PTPN1: variants seen among roughly 807,000 people sequenced by gnomAD.
The protein encoded by PTPN1 is protein tyrosine phosphatase non-receptor type 1, also known as tyrosine-protein phosphatase non-receptor type 1.
In PTPN1, 12 loss-of-function variants were observed where a neutral mutation model predicts 59.9. The observed-to-expected ratio is 0.20, with a 90% CI of 0.13 to 0.32. The LOEUF (loss-of-function observed/expected upper bound fraction) is 0.32. PTPN1 is among the 10% of genes least tolerant of loss of function. PTPN1 has a pLI of 1.00. For synonymous variants in PTPN1, 178 were observed against 203.6 expected, an observed-to-expected ratio of 0.87 and a Z score of 1.07; for missense variants, 356 against 549.2, an observed-to-expected ratio of 0.65 and a Z score of 3.52.
chr20:50,568,601 T>C lies in PTPN1; in HGVS notation c.354+123T>C, dbSNP rs370066376. ...GTATTTCCTTTACGTAGTATTTTTA[T>C]TTAAAAAAATTAAAACAGCAGCATA... is the stretch of plus-strand genomic sequence containing the variant. On this transcript the variant is annotated intron_variant, in intron 4 of 9. Transcript: ENST00000371621. The surrounding 1 kb of genome is among the most constrained non-coding windows in gnomAD (Gnocchi z 5.6). 3 of 762,686 alleles carry C rather than the reference T, an allele frequency of 3.9e-6. No individual in the cohort carries two copies. The highest frequency in any genetic ancestry group is 1.8e-5 in the South Asian group (1 of 56,202). 47.2% of individuals were successfully genotyped at this position (762,686 alleles called of 1,614,324 possible).
intron 1 of PTPN1, among the ~76,000 whole-genome samples, chr20:50,535,003 C>G (rs1037410853): frequency 1.7e-5 from 2 of 116,124 alleles, no homozygotes; most frequent in Admixed American, 1.8e-4. Context: ...CTGCATTGGC[C>G]TCCCAAAGTG....
chr20:50,552,317 G>T (rs529103941), intron 1 of PTPN1, among the ~76,000 whole-genome samples: 141 of 152,276 alleles, frequency 9.3e-4, no homozygotes, highest in African/African-American at 3.3e-3. Context: ...CCATTCTAAA[G>T]TAGAGAAAGA....
At chr20:50,547,842 A>G (rs1354895744) in intron 1 of PTPN1, among the ~76,000 whole-genome samples, 1 of 152,216 alleles carries the variant, frequency 6.6e-6, no homozygotes, top group Non-Finnish European at 1.5e-5. Flanking sequence ...AGCCACACAC[A>G]TATAAAGTGG....
chr20:50,520,371 CA>C lies in PTPN1; in HGVS notation c.63+9797del, dbSNP rs11474492. Among the ~76,000 whole-genome samples the C allele has an allele frequency of 5.7e-3, 745 of 131,358 alleles. 1 individual carries two copies. Among genetic ancestry groups the C allele is most frequent in the Non-Finnish European group, 6.4e-3 (386 of 60,586 alleles). The allele number at this position is 131,358 out of a possible 152,430, so 86.2% of individuals were successfully genotyped here. A position where few individuals can be genotyped will look rare whatever the true frequency, so the allele number is the denominator to read the frequency against. On this transcript the variant is annotated intron_variant, in intron 1 of 9. Transcript: ENST00000371621. ...GGGGGACAAGAGTGAAACTCTGTCT[CA>C]AAAAAAAAAAAAAAATTAAGTGATT... is the stretch of plus-strand genomic sequence containing the variant.
intron 1 of PTPN1, among the ~76,000 whole-genome samples, chr20:50,533,770 A>G (rs2082611764): frequency 6.6e-6 from 1 of 151,982 alleles, no homozygotes; most frequent in South Asian, 2.1e-4. Context: ...AAGATAGGTC[A>G]GGTGAGGCTG....
rs993632799 is a variant in PTPN1 at position 50,580,028 on chromosome 20, G to T, written c.1088+102G>T. 8.4e-6 allele frequency: 9 copies of T among 1,075,742 alleles called. No homozygotes were observed. The African/African-American group carries it at 1.1e-4, about 13-fold the overall frequency. 66.6% of individuals were successfully genotyped at this position (1,075,742 alleles called of 1,614,324 possible). Reference sequence around the variant, plus strand: ...ACCCTGTGGATGCAGCCTCCTGTTGGCAAGCAGCGCTTCCGCATCCTTGGG... The same window carrying T: ...ACCCTGTGGATGCAGCCTCCTGTTGTCAAGCAGCGCTTCCGCATCCTTGGG... On this transcript the variant is annotated intron_variant, in intron 8 of 9. Coordinates refer to ENST00000371621, the MANE Select transcript of PTPN1 (RefSeq NM_002827.4).
chr20:50,535,106 C>T (rs562424938), intron 1 of PTPN1, among the ~76,000 whole-genome samples: 46 of 152,342 alleles, frequency 3.0e-4, no homozygotes, highest in African/African-American at 1.1e-3. Context: ...CCCTTCTCAT[C>T]TGTGGTCTTC....
chr20:50,559,654 TTTCTTGGG>T (rs1568789419), intron 1 of PTPN1, among the ~76,000 whole-genome samples: 2 of 152,168 alleles, frequency 1.3e-5, no homozygotes, highest in Non-Finnish European at 2.9e-5. Flanking sequence ...CTTGGTTTAC[TTTCTTGGG>T]CAGGGGGATT....
chr20:50,553,009 T>C (rs1303379160), intron 1 of PTPN1, among the ~76,000 whole-genome samples: 1 of 152,230 alleles, frequency 6.6e-6, no homozygotes, highest in Admixed American at 6.5e-5. Flanking sequence ...TACTTGATTT[T>C]TCAATTTAGT....
rs191444887 is a variant in PTPN1 at position 50,542,482 on chromosome 20, G to C, written c.64-18881G>C. ...CTGATTTTTGCAGGTCCTAGGGAAAGCTTTGTTTTCCTCTTAACCTAACTT... is the reference window on the plus strand; with the variant it reads ...CTGATTTTTGCAGGTCCTAGGGAAACCTTTGTTTTCCTCTTAACCTAACTT... On this transcript the variant is annotated intron_variant, in intron 1 of 9. Transcript: ENST00000371621. 2.0e-4 allele frequency among the ~76,000 whole-genome samples: 31 copies of C among 152,310 alleles called. No individual in the cohort carries two copies. The East Asian group carries it at 6.0e-3, about 29-fold the overall frequency.
At chr20:50,575,000 C>A (rs1454314620) in intron 5 of PTPN1, 1 of 241,556 alleles carries the variant, frequency 4.1e-6, no homozygotes, top group Middle Eastern at 1.3e-3. Context: ...CTTTGTGGTC[C>A]TCAGTCTTCG....
At position 50,510,390 on chromosome 20, in the gene PTPN1, A is replaced by G; in HGVS notation, c.-138A>G. The G allele has an allele frequency of 2.3e-6, 2 of 884,106 alleles. No individual in the cohort carries two copies. The highest frequency in any genetic ancestry group is 3.4e-6 in the Non-Finnish European group (2 of 582,404). 54.8% of individuals were successfully genotyped at this position (884,106 alleles called of 1,614,324 possible). On this transcript the variant is annotated 5_prime_UTR_variant, in exon 1 of 10. Transcript: ENST00000371621. ...TTCCGGCTGCCGGTTGACATGAAGA[A>G]GCAGCAGCGGCTAGGGCGGCGGTAG...
Position 50,574,610 on chromosome 20 carries a change from A to C in PTPN1, c.448A>C (p.Lys150Gln). 1.2e-6 allele frequency: 2 copies of C among 1,608,436 alleles called. No homozygotes were observed. The highest frequency in any genetic ancestry group is 1.7e-6 in the Non-Finnish European group (2 of 1,178,280). ...LKLTLISEDI[K>Q]SYYTVRQLEL... Reference sequence around the variant, plus strand: ...ATTAACATTGATCTCTGAAGATATCAAGTCATATTATACAGTGCGACAGCT... The same window carrying C: ...ATTAACATTGATCTCTGAAGATATCCAGTCATATTATACAGTGCGACAGCT... Residue 150 changes from lysine to glutamine, a missense_variant, in exon 5 of 10, where the codon AAG (lysine) becomes CAG (glutamine). Transcript: ENST00000371621.
intron 1 of PTPN1, among the ~76,000 whole-genome samples, chr20:50,539,846 C>T (rs1297606381): frequency 6.6e-6 from 1 of 151,414 alleles, no homozygotes; most frequent in Admixed American, 6.6e-5. Flanking sequence ...TGTTCTCCCT[C>T]AAAAATCCAT....
intron 3 of PTPN1, among the ~76,000 whole-genome samples, chr20:50,567,148 C>T (rs908253750): frequency 7.2e-5 from 11 of 152,154 alleles, no homozygotes; most frequent in Admixed American, 2.6e-4. Context: ...AGCTTATGGG[C>T]CGGGGACGGT....
intron 4 of PTPN1, among the ~76,000 whole-genome samples, chr20:50,569,881 G>A (rs1037800569): frequency 2.0e-5 from 3 of 152,248 alleles, no homozygotes; most frequent in Non-Finnish European, 4.4e-5. Flanking sequence ...CGGCCTCCCT[G>A]CCCTCGCTGC....
chr20:50,560,653 T>G (rs1407377573), intron 1 of PTPN1, among the ~76,000 whole-genome samples: 1 of 151,326 alleles, frequency 6.6e-6, no homozygotes, highest in Admixed American at 6.6e-5. Context: ...ATACAAAACA[T>G]AAAGTGTTCC....
chr20:50,579,611 G>A lies in PTPN1; in HGVS notation c.865-92G>A, dbSNP rs552262974. ...AGCCCTGAGAGGCCGAGAGCCCCTC[G>A]CCAAGCCGTCACCTCTGCTCATGCA... is the stretch of plus-strand genomic sequence containing the variant. On this transcript the variant is annotated intron_variant, in intron 7 of 9. Transcript: ENST00000371621. 4.2e-6 allele frequency: 5 copies of A among 1,179,894 alleles called. No homozygotes were observed. The East Asian group carries it at 7.0e-5, about 17-fold the overall frequency. 73.1% of individuals were successfully genotyped at this position (1,179,894 alleles called of 1,614,324 possible).
intron 1 of PTPN1, among the ~76,000 whole-genome samples, chr20:50,548,179 G>A (rs1487016180): frequency 6.6e-6 from 1 of 151,940 alleles, no homozygotes; most frequent in Admixed American, 6.6e-5. Flanking sequence ...CTGCATCCTG[G>A]GCGCATTTCT....
Sources: gnomAD v4.1 joint callset for allele counts (sites outside exome capture counted in the v4.1 genomes callset) on GRCh38, gnomAD v4.1.1 for gene constraint, Gnocchi (gnomAD v3.1) non-coding constraint, MANE v1.5 for transcripts, NCBI Gene and HGNC (gene_info 2026-07-23, HGNC 2026-07-21) for gene names.